MTMR8: variants seen among roughly 807,000 people sequenced by gnomAD.
MTMR8 encodes phosphatidylinositol-3,5-bisphosphate 3-phosphatase MTMR8.
Under a neutral mutation model 39.3 loss-of-function variants are expected in MTMR8, and 65 were observed. The observed-to-expected ratio is 1.65, with a 90% CI of 1.35 to 2.03. The LOEUF (loss-of-function observed/expected upper bound fraction) is 2.03. MTMR8 is among the 30% of genes most tolerant of loss of function. The probability of loss-of-function intolerance (pLI) is 0.00; values close to 1 mark genes in which losing one functional copy is unlikely to be tolerated. For synonymous variants in MTMR8, 245 were observed against 185.2 expected (o/e 1.32, Z -2.62); for missense variants, 777 against 538.9 (o/e 1.44, Z -4.37).
intron 1 of MTMR8, among the ~76,000 whole-genome samples, chrX:64,385,032 C>T (rs895399914): frequency 3.6e-5 from 4 of 112,166 alleles, no homozygotes; most frequent in Admixed American, 9.5e-5. Flanking sequence ...TTTCATTGCT[C>T]GTGCATCTGA....
In MTMR8 at chrX:64,387,964, T is replaced by C. The variant is rs1924605308; in HGVS notation, c.24+7376A>G. On this transcript the variant is annotated intron_variant, in intron 1 of 13. Transcript: ENST00000374852. ...GGCCACCCAATTGTTTTGTTATTTC[T>C]CCACTCCTGAGCTGTAGATAGAGCA... Among the ~76,000 whole-genome samples, 4 of 111,043 alleles carry C rather than the reference T, an allele frequency of 3.6e-5. No individual in the cohort carries two copies. In the South Asian group the frequency reaches 1.5e-3, roughly 43 times the overall value.
Position 64,356,195 on chromosome X carries a change from C to T in MTMR8, c.291G>A (p.Leu97=), listed in dbSNP as rs1297838778. The T allele has an allele frequency of 1.7e-6, 2 of 1,204,656 alleles. No individual in the cohort carries two copies. Among genetic ancestry groups the T allele is most frequent in the Non-Finnish European group, 1.1e-6 (1 of 892,898 alleles). The change falls in exon 3 of 14, where the codon CTG becomes CTA. Residue 97 remains leucine, a synonymous_variant. Coordinates refer to ENST00000374852, the MANE Select transcript of MTMR8 (RefSeq NM_017677.4). ...AACTACCTGGCTGAGAAAGCTTGAG[C>T]AGTGAAATATAAACCTCATGGCACA... ...DLVCHEVYIS[L]LKLSQPALPE... is the part of the protein sequence containing the mutation.
intron 8 of MTMR8, among the ~76,000 whole-genome samples, chrX:64,338,507 G>C (rs1923133087): frequency 8.9e-6 from 1 of 112,071 alleles, no homozygotes; most frequent in East Asian, 2.8e-4. Flanking sequence ...CATAGAGGAA[G>C]AACAATTAAT....
intron 9 of MTMR8, 49 bp from the exon 10 acceptor site, chrX:64,336,177 G>T (rs890146114): frequency 4.3e-6 from 4 of 926,917 alleles, no homozygotes; most frequent in Admixed American, 5.1e-5. Flanking sequence ...ATCATAAAAT[G>T]AATTAACCAT....
chrX:64,298,596 C>T (rs1198058294), intron 12 of MTMR8, among the ~76,000 whole-genome samples: 1 of 93,236 alleles, frequency 1.1e-5, no homozygotes, highest in East Asian at 2.9e-4. Flanking sequence ...ATTGCCCTGG[C>T]CAGAACTTCC....
At chrX:64,313,354 G>T (rs1387329103) in intron 12 of MTMR8, among the ~76,000 whole-genome samples, 1 of 112,579 alleles carries the variant, frequency 8.9e-6, no homozygotes, top group East Asian at 2.8e-4. Flanking sequence ...CATGAACCAA[G>T]CTCAGGTAGC....
intron 1 of MTMR8, among the ~76,000 whole-genome samples, chrX:64,371,867 G>A (rs755892890): frequency 2.7e-5 from 3 of 110,207 alleles, no homozygotes; most frequent in Non-Finnish European, 5.7e-5. Flanking sequence ...CTAGGTAGGT[G>A]CCTTTCACAT....
At chrX:64,356,387 C>T in intron 2 of MTMR8, 49 bp from the exon 3 acceptor site, 1 of 1,074,470 alleles carries the variant, frequency 9.3e-7, no homozygotes, top group South Asian at 2.1e-5. Flanking sequence ...TGCAATATCT[C>T]TATCACTATC....
chrX:64,301,609 A>G (rs1227756257), intron 12 of MTMR8, among the ~76,000 whole-genome samples: 4 of 111,736 alleles, frequency 3.6e-5, no homozygotes, highest in African/African-American at 9.8e-5. Flanking sequence ...GCTTTGTTCC[A>G]TTGCTGGTGA....
intron 4 of MTMR8, among the ~76,000 whole-genome samples, chrX:64,354,352 A>T (rs1201287937): frequency 9.0e-6 from 1 of 111,521 alleles, no homozygotes; most frequent in Non-Finnish European, 1.9e-5. Context: ...ACTTGTGGTG[A>T]TGGATACCCC....
Position 64,268,836 on chromosome X carries a change from C to T in MTMR8, c.1816G>A (p.Ala606Thr), listed in dbSNP as rs142319234. Reference sequence around the variant, plus strand: ...TCACAACAGTTATGGTGGAGGTCTGCACCCTGGCTTTTTACTTGATCCATC... The same window carrying T: ...TCACAACAGTTATGGTGGAGGTCTGTACCCTGGCTTTTTACTTGATCCATC... The part of the protein sequence containing the change: ...AQMDQVKSQG[A>T]DLHHNCCEIV... The change falls in exon 14 of 14, where the codon GCA (alanine) becomes ACA (threonine). Residue 606 changes from alanine to threonine, a missense_variant. Physicochemically the swap from Ala to Thr is moderately conservative, Grantham distance 58 (BLOSUM62 0). Transcript: ENST00000374852. The T allele has an allele frequency of 1.7e-4, 211 of 1,209,790 alleles. No individual in the cohort carries two copies. The highest frequency in any genetic ancestry group is 2.1e-4 in the Non-Finnish European group (192 of 895,248).
chrX:64,269,126 C>G, intron 13 of MTMR8, 83 bp from the exon 14 acceptor site: 2 of 984,095 alleles, frequency 2.0e-6, no homozygotes, highest in East Asian at 3.1e-5. Context: ...TGCAGAGATC[C>G]TATTGCTGTC....
In MTMR8 at chrX:64,331,463, C is replaced by A. The variant is rs1922936613; in HGVS notation, c.1352+94G>T. 3 of 807,939 alleles carry A rather than the reference C, an allele frequency of 3.7e-6. No individual in the cohort carries two copies. In the East Asian group the frequency reaches 1.0e-4, roughly 27 times the overall value. The allele number at this position is 807,939 out of a possible 1,213,427, so 66.6% of individuals were successfully genotyped here. A position where few individuals can be genotyped will look rare whatever the true frequency, so the allele number is the denominator to read the frequency against. On this transcript the variant is annotated intron_variant, in intron 11 of 13. Coordinates refer to ENST00000374852, the MANE Select transcript of MTMR8 (RefSeq NM_017677.4). ...TTATTATTGTTATCTCCTCCCCTTT[C>A]TTGACTGCTATGCCAAATTCAGGGT...
At chrX:64,294,078 T>C (rs1921487548) in intron 12 of MTMR8, among the ~76,000 whole-genome samples, 2 of 111,849 alleles carry the variant, frequency 1.8e-5, no homozygotes, top group South Asian at 7.5e-4. Context: ...AAATAACGTG[T>C]ACTGATTCTT....
intron 2 of MTMR8, among the ~76,000 whole-genome samples, chrX:64,358,133 G>T (rs757317292): frequency 1.2e-3 from 135 of 111,781 alleles, no homozygotes; most frequent in African/African-American, 4.4e-3. Context: ...TAAAGAACTG[G>T]TTCCTAAACT....
intron 12 of MTMR8, among the ~76,000 whole-genome samples, chrX:64,289,338 T>C (rs1369500795): frequency 9.0e-6 from 1 of 111,091 alleles, no homozygotes; most frequent in African/African-American, 3.3e-5. Flanking sequence ...TATAAAATGA[T>C]GCAGCCATTA....
chrX:64,305,775 T>A (rs1441623970), intron 12 of MTMR8: 1 of 399,268 alleles, frequency 2.5e-6, no homozygotes, highest in East Asian at 4.8e-5. Flanking sequence ...AAGCATTTCC[T>A]GTATGGTTTC....
chrX:64,377,282 C>T (rs1924296212), intron 1 of MTMR8, among the ~76,000 whole-genome samples: 1 of 111,884 alleles, frequency 8.9e-6, no homozygotes, highest in Non-Finnish European at 1.9e-5. Context: ...TCCTCCAGAC[C>T]CCAGAATGGT....
chrX:64,335,784 C>T (rs987514443), intron 10 of MTMR8, among the ~76,000 whole-genome samples: 1 of 112,173 alleles, frequency 8.9e-6, no homozygotes, highest in East Asian at 2.8e-4. Context: ...CTGACCTCTT[C>T]GTGCAATGTT....
Sources: allele counts gnomAD v4.1 joint callset (sites outside exome capture counted in the v4.1 genomes callset), GRCh38; gene constraint gnomAD v4.1.1; transcripts MANE v1.5; gene names NCBI Gene and HGNC (gene_info 2026-07-23, HGNC 2026-07-21).